The following ALDH1A2 variants were observed in gnomAD, a reference collection of about 807,000 sequenced individuals.
ALDH1A2 encodes aldehyde dehydrogenase 1 family member A2, also known as retinal dehydrogenase 2.
ALDH1A2 carries 27 observed loss-of-function variants against 60.3 expected under a neutral mutation model. The ratio of observed to expected loss-of-function variants is 0.45; its 90% CI spans 0.33 to 0.62. ALDH1A2 has a LOEUF of 0.62. Among genes scored for constraint, ALDH1A2 ranks in the 20% least tolerant of loss-of-function variants. The pLI is 0.02. For synonymous variants in ALDH1A2, 289 were observed against 232.4 expected (o/e 1.24, Z -2.21); for missense variants, 581 against 643.8 (o/e 0.90, Z 1.06).
At position 57,965,706 on chromosome 15, in the gene ALDH1A2, G is replaced by T. The variant is rs147757955; in HGVS notation, c.901+19C>A. On this transcript the variant is annotated intron_variant, in intron 8 of 12. Transcript: ENST00000249750. The stretch of plus-strand genomic sequence containing the variant: ...AAGGGTGTGTGGTGGTTCATGTATG[G>T]GACCTGTAGTTGACTTACAGTCAGC... The T allele has an allele frequency of 4.8e-4, 754 of 1,565,084 alleles. 2 individuals carry two copies. The African/African-American group carries it at 9.3e-3, about 19-fold the overall frequency.
At chr15:57,980,205 C>T (rs910891746) in intron 7 of ALDH1A2, 3 of 314,020 alleles carry the variant, frequency 9.6e-6, no homozygotes, top group African/African-American at 4.4e-5. Context: ...TCCTGCTTCT[C>T]TGAGTATTTG....
intron 12 of ALDH1A2, among the ~76,000 whole-genome samples, chr15:57,957,703 G>C (rs1017290934): frequency 2.6e-5 from 4 of 152,158 alleles, no homozygotes; most frequent in Admixed American, 1.3e-4. Flanking sequence ...GGCACACCTA[G>C]AGGCTTTAAG....
At chr15:57,962,643 TTTTAGAGGAAC>T (rs1259460781) in intron 9 of ALDH1A2, among the ~76,000 whole-genome samples, 2 of 152,138 alleles carry the variant, frequency 1.3e-5, no homozygotes, top group Non-Finnish European at 2.9e-5. Context: ...CCTATTACAC[TTTTAGAGGAAC>T]TTTAGAGGAA....
At chr15:58,020,527 G>A (rs950449527) in intron 1 of ALDH1A2, among the ~76,000 whole-genome samples, 15 of 152,050 alleles carry the variant, frequency 9.9e-5, no homozygotes, top group Non-Finnish European at 1.3e-4. Flanking sequence ...ATAAATGCAA[G>A]CTAAGATCTA....
chr15:58,008,691 T>C lies in ALDH1A2; in HGVS notation c.493+1958A>G, dbSNP rs186267970. On this transcript the variant is annotated intron_variant, in intron 4 of 12. Coordinates refer to ENST00000249750, the MANE Select transcript of ALDH1A2 (RefSeq NM_003888.4). ...TGAAACATATTTGTTGTTTTAATAA[T>C]GAAATGACAGGTGGAGTGGGGACCA... Among the ~76,000 whole-genome samples, 249 of 152,228 alleles carry C rather than the reference T, an allele frequency of 1.6e-3. 1 individual carries two copies. The highest frequency in any genetic ancestry group is 0.011 in the Admixed American group (163 of 15,286).
chr15:57,995,417 G>A (rs1373167386), intron 4 of ALDH1A2, among the ~76,000 whole-genome samples: 1 of 151,942 alleles, frequency 6.6e-6, no homozygotes, highest in Non-Finnish European at 1.5e-5. Flanking sequence ...CCTCAGGGTG[G>A]CAGAGGGGAC....
Position 58,014,204 on chromosome 15 carries a change from C to G in ALDH1A2, c.195G>C (p.Gln65His). The G allele has an allele frequency of 6.2e-7, 1 of 1,614,116 alleles. No homozygotes were observed. The highest frequency in any genetic ancestry group is 8.5e-7 in the Non-Finnish European group (1 of 1,179,982). ...FPVYNPATGE[Q>H]VCEVQEADKA... ...TGTCTGCTTCTTGAACTTCACACAC[C>G]TGTTCTCCTGTGGCTGGATTATAGA... The change falls in exon 2 of 13, where the codon CAG becomes CAC. Residue 65 changes from glutamine (Q) to histidine (H), a missense_variant. Transcript: ENST00000249750.
chr15:58,029,819 C>G (rs1896183080), intron 1 of ALDH1A2, among the ~76,000 whole-genome samples: 1 of 151,946 alleles, frequency 6.6e-6, no homozygotes, highest in Non-Finnish European at 1.5e-5. Flanking sequence ...ACACATACAC[C>G]CTCCCAAGAA....
At chr15:57,968,268 C>T (rs1286252963) in intron 7 of ALDH1A2, among the ~76,000 whole-genome samples, 1 of 152,278 alleles carries the variant, frequency 6.6e-6, no homozygotes, top group East Asian at 1.9e-4. Flanking sequence ...TAGATACTTA[C>T]AAGCATTATG....
At chr15:57,959,427 T>A (rs531594733) in intron 12 of ALDH1A2, among the ~76,000 whole-genome samples, 1 of 152,210 alleles carries the variant, frequency 6.6e-6, no homozygotes, top group Non-Finnish European at 1.5e-5. Flanking sequence ...AGATTGGTTA[T>A]AGGTTCTGGC....
At chr15:58,013,314 G>A (rs1895690147) in intron 3 of ALDH1A2, among the ~76,000 whole-genome samples, 1 of 152,124 alleles carries the variant, frequency 6.6e-6, no homozygotes, top group Non-Finnish European at 1.5e-5. Flanking sequence ...CTCTCTTGTT[G>A]CTTGACTGTT....
intron 4 of ALDH1A2, among the ~76,000 whole-genome samples, chr15:58,002,409 G>C (rs1349047703): frequency 6.6e-6 from 1 of 151,888 alleles, no homozygotes; most frequent in African/African-American, 2.4e-5. Context: ...TAATTATTTG[G>C]ATAATTCATT....
chr15:58,061,949 A>G lies in ALDH1A2; in HGVS notation c.117+3585T>C, dbSNP rs188430352. On this transcript the variant is annotated intron_variant, in intron 1 of 12. Transcript: ENST00000249750. ...CTTTTTAATAAGACCCTAATCTCCC[A>G]GAAGGCAGATGTTTCCAGTCTAACA... 3.3e-5 allele frequency among the ~76,000 whole-genome samples: 5 copies of G among 152,330 alleles called. No homozygotes were observed. In the East Asian group the frequency reaches 9.6e-4, roughly 29 times the overall value.
chr15:57,992,785 G>A lies in ALDH1A2; in HGVS notation c.718C>T (p.Pro240Ser). ...GFPPGVINILPGYGPTAGAAI... is the reference protein window; with the variant it reads ...GFPPGVINILSGYGPTAGAAI... Reference sequence around the variant, plus strand: ...GCCCCAGCCGTTGGCCCATATCCTGGCAAAATATTGATGACCCCGGGAGGA... The same window carrying A: ...GCCCCAGCCGTTGGCCCATATCCTGACAAAATATTGATGACCCCGGGAGGA... The change falls in exon 7 of 13, where the codon CCA (proline) becomes TCA (serine). Residue 240 changes from proline to serine, a missense_variant. Around this residue, in one of 2 missense-constraint regions of ALDH1A2, gnomAD observed 375 missense variants for 469.7 expected, o/e 0.80. Coordinates refer to ENST00000249750, the MANE Select transcript of ALDH1A2 (RefSeq NM_003888.4). The A allele has an allele frequency of 6.2e-7, 1 of 1,614,032 alleles. No individual in the cohort carries two copies. Among genetic ancestry groups the A allele is most frequent in the Middle Eastern group, 1.7e-4 (1 of 6,060 alleles).
intron 1 of ALDH1A2, among the ~76,000 whole-genome samples, chr15:58,023,158 A>G (rs1895980220): frequency 6.6e-6 from 1 of 152,254 alleles, no homozygotes; most frequent in Admixed American, 6.5e-5. Flanking sequence ...TTAAAGAAAC[A>G]AATAGAAATC....
chr15:58,012,557 G>A (rs186884897), intron 3 of ALDH1A2, among the ~76,000 whole-genome samples: 3 of 152,132 alleles, frequency 2.0e-5, no homozygotes, highest in African/African-American at 7.2e-5. Flanking sequence ...TTGTGAATCT[G>A]CAAGGAGGAA....
In ALDH1A2 at chr15:57,961,213, G is replaced by T. The variant is rs1893707777; in HGVS notation, c.1333C>A (p.Leu445Ile). ...TCATTAGTAAAGACAGCTGCTACGA[G>T]TCCAAAGTCTGAGTTATTGGCTCTT... is the stretch of plus-strand genomic sequence containing the variant. ...IERANNSDFGLVAAVFTNDIN... is the reference protein window; with the variant it reads ...IERANNSDFGIVAAVFTNDIN... The change falls in exon 11 of 13, where the codon CTC becomes ATC. Residue 445 changes from leucine (L) to isoleucine (I), a missense_variant. By Grantham distance (5) the Leu-to-Ile change is conservative. Transcript: ENST00000249750. 1.2e-6 allele frequency: 2 copies of T among 1,613,990 alleles called. No individual in the cohort carries two copies. The highest frequency in any genetic ancestry group is 1.7e-6 in the Non-Finnish European group (2 of 1,179,992).
intron 12 of ALDH1A2, among the ~76,000 whole-genome samples, chr15:57,958,635 T>C (rs537982714): frequency 3.3e-4 from 51 of 152,254 alleles, no homozygotes; most frequent in African/African-American, 1.1e-3. Context: ...CAAAGCTGCA[T>C]GGAGTTTGCA....
intron 7 of ALDH1A2, among the ~76,000 whole-genome samples, chr15:57,985,368 C>T (rs1339977728): frequency 2.0e-5 from 3 of 152,150 alleles, no homozygotes; most frequent in Non-Finnish European, 4.4e-5. Flanking sequence ...ACCCCTAGAG[C>T]TCTCTCCCTT....
Sources: allele counts gnomAD v4.1 joint callset (sites outside exome capture counted in the v4.1 genomes callset), GRCh38; gene constraint gnomAD v4.1.1; regional missense constraint gnomAD v4.1.1; transcripts MANE v1.5; gene names NCBI Gene and HGNC (gene_info 2026-07-23, HGNC 2026-07-21).